SUSD6: variants seen among roughly 807,000 people sequenced by gnomAD.
SUSD6 encodes the protein sushi domain-containing protein 6.
Under a neutral mutation model 28.4 loss-of-function variants are expected in SUSD6, and 16 were observed. That is an observed-to-expected ratio of 0.56 (90% CI 0.38 to 0.86). The LOEUF is 0.86. Among genes scored for constraint, SUSD6 ranks in the 40% least tolerant of loss-of-function variants. The pLI is 0.00. For synonymous variants in SUSD6, 147 were observed against 159.6 expected (o/e 0.92, Z 0.59); for missense variants, 341 against 384.2 (o/e 0.89, Z 0.94).
In SUSD6 at chr14:69,670,356, C is replaced by T. The variant is rs562065866; in HGVS notation, c.121+11643C>T. 39 of 434,394 alleles carry T rather than the reference C, an allele frequency of 9.0e-5. 2 individuals carry two copies. The highest frequency in any genetic ancestry group is 5.8e-4 in the South Asian group (37 of 63,554). The allele number at this position is 434,394 out of a possible 1,614,324, so 26.9% of individuals were successfully genotyped here. ...CTGCTGAATGCCAAGACTGTGCCAG[C>T]TACTGAAAATAGAACAATTCCATGT... is the stretch of plus-strand genomic sequence containing the variant. On this transcript the variant is annotated intron_variant, in intron 2 of 5. Coordinates refer to ENST00000342745, the MANE Select transcript of SUSD6 (RefSeq NM_014734.4).
At chr14:69,658,852 A>G (rs1885623202) in intron 2 of SUSD6, 139 bp downstream of exon 2, 1 of 1,113,320 alleles carries the variant, frequency 9.0e-7, no homozygotes, top group South Asian at 1.4e-5. Context: ...TGTGGTAAAT[A>G]TAGCAGGGAG....
chr14:69,676,857 A>G (rs888106919), intron 2 of SUSD6, among the ~76,000 whole-genome samples: 1 of 152,230 alleles, frequency 6.6e-6, no homozygotes, highest in Non-Finnish European at 1.5e-5. Flanking sequence ...GAAGAACCGA[A>G]AGGTATAGAT....
rs1194355848 is a variant in SUSD6 at position 69,708,851 on chromosome 14, G to A, written c.633G>A (p.Val211=). Residue 211 remains valine, a synonymous_variant, in exon 5 of 6, where the codon GTG becomes GTA. Coordinates refer to ENST00000342745, the MANE Select transcript of SUSD6 (RefSeq NM_014734.4). ...GGTCTGGGCCCAGTGGGAGGAGCGT[G>A]CCAAGGGAGCAACAGCTGCCGGACC... ...SEGSGPSGRS[V]PREQQLPDQG... The A allele has an allele frequency of 6.2e-7, 1 of 1,614,182 alleles. No homozygotes were observed. Among genetic ancestry groups the A allele is most frequent in the Non-Finnish European group, 8.5e-7 (1 of 1,180,034 alleles).
intron 2 of SUSD6, among the ~76,000 whole-genome samples, chr14:69,674,492 G>T (rs548787440): frequency 6.6e-6 from 1 of 152,060 alleles, no homozygotes; most frequent in Non-Finnish European, 1.5e-5. Context: ...GTGCTTTGGG[G>T]GTTAAAAGTA....
intron 1 of SUSD6, among the ~76,000 whole-genome samples, chr14:69,626,900 G>A (rs1261262008): frequency 4.0e-5 from 6 of 151,528 alleles, no homozygotes; most frequent in African/African-American, 9.7e-5. Flanking sequence ...CCCCAGGTTG[G>A]TCTTGAAGCC....
At chr14:69,633,635 C>T (rs1885226194) in intron 1 of SUSD6, among the ~76,000 whole-genome samples, 1 of 152,030 alleles carries the variant, frequency 6.6e-6, no homozygotes, top group Admixed American at 6.6e-5. Context: ...GCAGCTTATT[C>T]TTCCTTATAT....
chr14:69,659,083 A>G (rs1404089461), intron 2 of SUSD6, among the ~76,000 whole-genome samples: 1 of 152,218 alleles, frequency 6.6e-6, no homozygotes, highest in African/African-American at 2.4e-5. Flanking sequence ...ACTCTGAACA[A>G]GTTATTTTAC....
At chr14:69,674,650 T>C (rs1885881126) in intron 2 of SUSD6, among the ~76,000 whole-genome samples, 1 of 152,204 alleles carries the variant, frequency 6.6e-6, no homozygotes, top group African/African-American at 2.4e-5. Flanking sequence ...TTTGCTGTTC[T>C]TCAGATTGAA....
intron 1 of SUSD6, among the ~76,000 whole-genome samples, chr14:69,619,185 T>C (rs1019374663): frequency 6.6e-6 from 1 of 152,162 alleles, no homozygotes; most frequent in South Asian, 2.1e-4. Context: ...GGTGTCGTGG[T>C]TCATATTTTT....
intron 1 of SUSD6, among the ~76,000 whole-genome samples, chr14:69,644,718 G>C (rs896539874): frequency 2.6e-5 from 4 of 152,018 alleles, no homozygotes; most frequent in African/African-American, 9.7e-5. Context: ...TTATTCATTT[G>C]GTGCCTTTGT....
chr14:69,615,682 G>A (rs1263360586), intron 1 of SUSD6: 4 of 152,222 alleles, frequency 2.6e-5, no homozygotes, highest in Non-Finnish European at 4.4e-5. Context: ...GCTTGGGACA[G>A]TTAAGCGTCC....
intron 1 of SUSD6, among the ~76,000 whole-genome samples, chr14:69,620,626 C>T (rs1209660545): frequency 6.6e-6 from 1 of 152,170 alleles, no homozygotes; most frequent in Non-Finnish European, 1.5e-5. Flanking sequence ...CTCCAAACCA[C>T]AGTCATCCTG....
chr14:69,666,695 T>A (rs1595047991), intron 2 of SUSD6, among the ~76,000 whole-genome samples: 3 of 152,218 alleles, frequency 2.0e-5, no homozygotes, highest in African/African-American at 7.2e-5. Context: ...GTTTAACTTC[T>A]TTGACTTATT....
At chr14:69,660,974 G>C (rs1885653216) in intron 2 of SUSD6, among the ~76,000 whole-genome samples, 1 of 152,174 alleles carries the variant, frequency 6.6e-6, no homozygotes, top group Admixed American at 6.5e-5. Context: ...AGAACAAATG[G>C]TGCTCAATAA....
chr14:69,681,536 G>GC (rs2139630901), intron 2 of SUSD6, among the ~76,000 whole-genome samples: 1 of 152,332 alleles, frequency 6.6e-6, no homozygotes, highest in Admixed American at 6.5e-5. Context: ...GTTGTGGTGG[G>GC]CCAGAGAAGG....
chr14:69,696,343 T>G (rs1337591463), intron 2 of SUSD6, among the ~76,000 whole-genome samples: 3 of 152,194 alleles, frequency 2.0e-5, no homozygotes, highest in Admixed American at 2.0e-4. Flanking sequence ...TTGGCACAGG[T>G]AATAAACTAT....
At chr14:69,672,663 G>T (rs949041205) in intron 2 of SUSD6, among the ~76,000 whole-genome samples, 2 of 152,234 alleles carry the variant, frequency 1.3e-5, no homozygotes, top group African/African-American at 2.4e-5. Context: ...CCCACAGCAG[G>T]TGCTTGGTGT....
intron 2 of SUSD6, among the ~76,000 whole-genome samples, chr14:69,691,773 CTCACGCCT>C: frequency 6.6e-6 from 1 of 152,272 alleles, no homozygotes; most frequent in Non-Finnish European, 1.5e-5. Context: ...GGCTTGGTGG[CTCACGCCT>C]GTAATCCCAG....
intron 2 of SUSD6, among the ~76,000 whole-genome samples, chr14:69,689,248 A>T (rs1414342263): frequency 6.6e-6 from 1 of 152,184 alleles, no homozygotes; most frequent in Non-Finnish European, 1.5e-5. Flanking sequence ...TATATCTATT[A>T]TAGTCGTTTA....
Sources: allele counts gnomAD v4.1 joint callset (sites outside exome capture counted in the v4.1 genomes callset), GRCh38; gene constraint gnomAD v4.1.1; transcripts MANE v1.5; gene names NCBI Gene and HGNC (gene_info 2026-07-23, HGNC 2026-07-21).